The following STK31 variants were observed in gnomAD, a reference collection of about 807,000 sequenced individuals.
STK31 encodes serine/threonine-protein kinase 31.
Under a neutral mutation model 129.7 loss-of-function variants are expected in STK31, and 89 were observed. The observed-to-expected ratio is 0.69, with a 90% CI of 0.58 to 0.82. The LOEUF (loss-of-function observed/expected upper bound fraction) is 0.82. Among genes scored for constraint, STK31 ranks in the 40% least tolerant of loss-of-function variants. The probability of loss-of-function intolerance (pLI) is 0.00; values close to 1 mark genes in which losing one functional copy is unlikely to be tolerated. For synonymous variants in STK31, 448 were observed against 395.3 expected (o/e 1.13, Z -1.58); for missense variants, 1,187 against 1,176.4 (o/e 1.01, Z -0.13).
chr7:23,724,762 T>A (rs2128069803), intron 4 of STK31, among the ~76,000 whole-genome samples: 1 of 152,332 alleles, frequency 6.6e-6, no homozygotes, highest in African/African-American at 2.4e-5. Flanking sequence ...TGCCCTTTAG[T>A]TGTTTAATGT....
intron 22 of STK31, among the ~76,000 whole-genome samples, chr7:23,808,970 T>TGCGC (rs529212520): frequency 7.2e-6 from 1 of 139,660 alleles, no homozygotes; most frequent in Admixed American, 7.5e-5. Context: ...TGTGTGTGTG[T>TGCGC]GCCTGTGTCT....
chr7:23,747,361 G>A (rs903749371), intron 8 of STK31, among the ~76,000 whole-genome samples: 65 of 103,250 alleles, frequency 6.3e-4, no homozygotes, highest in African/African-American at 2.1e-3. Flanking sequence ...AGTCTGTTCA[G>A]ATTATTTTTT....
intron 8 of STK31, among the ~76,000 whole-genome samples, chr7:23,749,344 GTTT>G (rs201417190): frequency 4.0e-5 from 5 of 124,900 alleles, no homozygotes; most frequent in Admixed American, 1.7e-4. Context: ...TTCTTTTCTT[GTTT>G]TTTTTTTTTT....
intron 6 of STK31, among the ~76,000 whole-genome samples, chr7:23,730,115 A>G (rs1415159535): frequency 6.6e-6 from 1 of 152,206 alleles, no homozygotes; most frequent in African/African-American, 2.4e-5. Context: ...GTAGTCTTAC[A>G]GGAATTCTAC....
chr7:23,826,445 T>C (rs1013157436), intron 23 of STK31, among the ~76,000 whole-genome samples: 2 of 152,204 alleles, frequency 1.3e-5, no homozygotes, highest in Non-Finnish European at 2.9e-5. Context: ...GTTTTCCATT[T>C]GCTTGGCAGA....
intron 23 of STK31, among the ~76,000 whole-genome samples, chr7:23,830,744 T>G (rs1368847766): frequency 6.6e-6 from 1 of 151,968 alleles, no homozygotes; most frequent in Non-Finnish European, 1.5e-5. Context: ...CTCAGCCTCT[T>G]GAGTAGCTGA....
At chr7:23,821,566 A>G (rs1426112424) in intron 23 of STK31, among the ~76,000 whole-genome samples, 2 of 152,070 alleles carry the variant, frequency 1.3e-5, no homozygotes, top group African/African-American at 4.8e-5. Context: ...TGTTGGATGA[A>G]TAGTTTGCAA....
chr7:23,799,975 T>C (rs189372580), intron 22 of STK31, among the ~76,000 whole-genome samples: 168 of 152,194 alleles, frequency 1.1e-3, no homozygotes, highest in African/African-American at 3.8e-3. Flanking sequence ...CCAACAAGCA[T>C]ATGAAAAAAG....
At chr7:23,788,553 T>A (rs563163547) in intron 21 of STK31, among the ~76,000 whole-genome samples, 1 of 152,284 alleles carries the variant, frequency 6.6e-6, no homozygotes, top group South Asian at 2.1e-4. Context: ...AACCTTGGAC[T>A]TTTTAGTTTA....
intron 22 of STK31, among the ~76,000 whole-genome samples, chr7:23,814,064 A>G (rs554996186): frequency 1.3e-5 from 2 of 150,686 alleles, no homozygotes; most frequent in East Asian, 2.0e-4. Context: ...TGGCAATCCT[A>G]TTAAATTCAA....
chr7:23,787,887 T>A lies in STK31; in HGVS notation c.2488-93T>A, dbSNP rs866078933. ...ATGGTTCATTTCGAGGAAACTTTAC[T>A]CACTTCTAGAGCAGTCTTTTAATTA... On this transcript the variant is annotated intron_variant, in intron 20 of 23. Coordinates refer to ENST00000355870, the MANE Select transcript of STK31 (RefSeq NM_031414.5). 5.6e-6 allele frequency: 7 copies of A among 1,255,242 alleles called. No homozygotes were observed. The South Asian group carries it at 1.5e-4, about 26-fold the overall frequency. The allele number at this position is 1,255,242 out of a possible 1,614,324, so 77.8% of individuals were successfully genotyped here.
intron 8 of STK31, among the ~76,000 whole-genome samples, chr7:23,741,778 A>C (rs1275464737): frequency 6.6e-6 from 1 of 152,082 alleles, no homozygotes; most frequent in Non-Finnish European, 1.5e-5. Flanking sequence ...AGTGTGTTCT[A>C]CTCAAGTGTA....
intron 8 of STK31, among the ~76,000 whole-genome samples, chr7:23,750,067 T>TTCCCCCCC (rs1788611310): frequency 3.3e-5 from 3 of 90,552 alleles, no homozygotes; most frequent in Non-Finnish European, 4.7e-5. Context: ...ATGGTTTGTT[T>TTCCCCCCC]CCCCCCCCGC....
chr7:23,805,602 G>A (rs914578072), intron 22 of STK31, among the ~76,000 whole-genome samples: 1 of 151,980 alleles, frequency 6.6e-6, no homozygotes, highest in Admixed American at 6.5e-5. Flanking sequence ...TCCTGCCTTA[G>A]CCCCCTGAGT....
chr7:23,761,132 A>G (rs1181060276), intron 10 of STK31, among the ~76,000 whole-genome samples: 1 of 152,222 alleles, frequency 6.6e-6, no homozygotes, highest in East Asian at 1.9e-4. Flanking sequence ...TTGTGGTTTG[A>G]GCATAGTGAA....
Position 23,758,781 on chromosome 7 carries a change from T to A in STK31, c.1294-4020T>A, listed in dbSNP as rs546984971. Among the ~76,000 whole-genome samples the A allele has an allele frequency of 2.0e-5, 3 of 152,270 alleles. No homozygotes were observed. In the East Asian group the frequency reaches 5.8e-4, roughly 29 times the overall value. On this transcript the variant is annotated intron_variant, in intron 10 of 23. Coordinates refer to ENST00000355870, the MANE Select transcript of STK31 (RefSeq NM_031414.5). ...CAGTTTCCATGACATTGTGTGGTTT[T>A]GAGTGAGCAATACTAACCTTAAATG...
At chr7:23,821,778 A>G (rs1793798514) in intron 23 of STK31, among the ~76,000 whole-genome samples, 1 of 152,138 alleles carries the variant, frequency 6.6e-6, no homozygotes, top group Non-Finnish European at 1.5e-5. Context: ...GTATTTTTAT[A>G]GTCTTGGGTT....
At chr7:23,811,621 A>T (rs1167014419) in intron 22 of STK31, 1 of 166,092 alleles carries the variant, frequency 6.0e-6, no homozygotes, top group Non-Finnish European at 1.3e-5. Context: ...TGTCAGAGAT[A>T]ATCATGATGG....
chr7:23,722,480 G>A (rs1786772131), intron 4 of STK31: 1 of 152,784 alleles, frequency 6.5e-6, no homozygotes, highest in African/African-American at 2.4e-5. Context: ...GGCTGTATGA[G>A]GTGTCAGTCT....
Sources: allele counts gnomAD v4.1 joint callset (sites outside exome capture counted in the v4.1 genomes callset), GRCh38; gene constraint gnomAD v4.1.1; transcripts MANE v1.5; gene names NCBI Gene and HGNC (gene_info 2026-07-23, HGNC 2026-07-21).